The following RYR2 variants were observed in gnomAD, a reference collection of about 807,000 sequenced individuals.
RYR2 encodes the protein cardiac muscle ryanodine receptor-calcium release channel.
Under a neutral mutation model 601.1 loss-of-function variants are expected in RYR2, and 227 were observed. The observed-to-expected ratio is 0.38, with a 90% CI of 0.34 to 0.42. The LOEUF is 0.42. RYR2 is among the 10% of genes least tolerant of loss of function. RYR2 has a pLI of 1.00. For synonymous variants in RYR2, 2,223 were observed against 2,175.1 expected, an observed-to-expected ratio of 1.02 and a Z score of -0.61; for missense variants, 4,646 against 6,156.5, an observed-to-expected ratio of 0.75 and a Z score of 8.21.
chr1:237,271,611 G>GT (rs1251582434), intron 2 of RYR2, among the ~76,000 whole-genome samples: 1 of 152,106 alleles, frequency 6.6e-6, no homozygotes, highest in African/African-American at 2.4e-5. Context: ...AAAAGGCATA[G>GT]TTTTTCATCT....
chr1:237,664,431 A>G (rs1198522185), intron 56 of RYR2, among the ~76,000 whole-genome samples: 4 of 152,358 alleles, frequency 2.6e-5, no homozygotes, highest in African/African-American at 9.6e-5. Context: ...CAAAAGAAAG[A>G]GGTTCAATGG....
In RYR2 at chr1:237,711,817, A is replaced by T; in HGVS notation, c.10303A>T (p.Thr3435Ser). The T allele has an allele frequency of 6.7e-7, 1 of 1,491,140 alleles. No individual in the cohort carries two copies. The allele number at this position is 1,491,140 out of a possible 1,614,324, so 92.4% of individuals were successfully genotyped here. A position where few individuals can be genotyped will look rare whatever the true frequency, so the allele number is the denominator to read the frequency against. The change falls in exon 71 of 105, where the codon ACC becomes TCC. Residue 3435 changes from threonine to serine, a missense_variant. Transcript: ENST00000366574. ...INNMSFLITD[T>S]KSKMSKAAVS... ...CAATATGTCTTTCCTTATTACTGAT[A>T]CCAAGTCAAAGATGTCAAAGGTATT...
chr1:237,308,216 A>G (rs1694090735), intron 2 of RYR2, among the ~76,000 whole-genome samples: 1 of 152,184 alleles, frequency 6.6e-6, no homozygotes, highest in South Asian at 2.1e-4. Flanking sequence ...AGATAATAAT[A>G]TCGATTCTTG....
chr1:237,545,769 T>A (rs201450203), intron 25 of RYR2, among the ~76,000 whole-genome samples: 11 of 146,116 alleles, frequency 7.5e-5, no homozygotes, highest in African/African-American at 1.5e-4. Flanking sequence ...AAAAAAAAAA[T>A]ACTTTCCAGG....
chr1:237,300,991 C>T (rs562313546), intron 2 of RYR2, among the ~76,000 whole-genome samples: 5 of 151,900 alleles, frequency 3.3e-5, no homozygotes, highest in Admixed American at 3.3e-4. Context: ...TTTGTGAAAT[C>T]GAATTGATAA....
chr1:237,484,283 A>G (rs547348667), intron 17 of RYR2, among the ~76,000 whole-genome samples: 30 of 152,306 alleles, frequency 2.0e-4, no homozygotes, highest in African/African-American at 7.2e-4. Flanking sequence ...CTAAATCCAC[A>G]TACATCTTGG....
chr1:237,361,377 C>A (rs139344984), intron 4 of RYR2, among the ~76,000 whole-genome samples: 1 of 151,902 alleles, frequency 6.6e-6, no homozygotes, highest in Non-Finnish European at 1.5e-5. Context: ...GAGAGGTTAC[C>A]GGTTGGAGAC....
At position 237,716,485 on chromosome 1, in the gene RYR2, A is replaced by G. The variant is rs558961077; in HGVS notation, c.10324-713A>G. Reference sequence around the variant, plus strand: ...ACATTAGAACATGCCATCTTGATAGAATACTCATTACCCAGTGAAAATTAG... The same window carrying G: ...ACATTAGAACATGCCATCTTGATAGGATACTCATTACCCAGTGAAAATTAG... On this transcript the variant is annotated intron_variant, in intron 71 of 104. Transcript: ENST00000366574. 2.0e-5 allele frequency among the ~76,000 whole-genome samples: 3 copies of G among 152,300 alleles called. No homozygotes were observed. The South Asian group carries it at 6.2e-4, about 32-fold the overall frequency.
Position 237,593,468 on chromosome 1 carries a change from C to T in RYR2, c.4276-8C>T. The T allele has an allele frequency of 5.7e-6, 9 of 1,590,670 alleles. No homozygotes were observed. Among genetic ancestry groups the T allele is most frequent in the Non-Finnish European group, 7.7e-6 (9 of 1,169,036 alleles). ...CTTTGCCAATATTTGGTTCTGCTAT[C>T]TTCACAGTACTATTACTCAGTGAGA... On this transcript the variant is annotated splice_region_variant and splice_polypyrimidine_tract_variant and intron_variant, in intron 32 of 104. Transcript: ENST00000366574.
At chr1:237,714,991 C>CAAAAA (rs5781983) in intron 71 of RYR2, among the ~76,000 whole-genome samples, 5 of 44,448 alleles carry the variant, frequency 1.1e-4, no homozygotes, top group African/African-American at 3.0e-4. Context: ...GACTCCATCT[C>CAAAAA]AAAAAAAAAA....
At chr1:237,253,080 G>A (rs989221741) in intron 1 of RYR2, among the ~76,000 whole-genome samples, 3 of 150,420 alleles carry the variant, frequency 2.0e-5, no homozygotes, top group African/African-American at 7.3e-5. Context: ...CAGCAGAATC[G>A]CTTGTACCCG....
intron 94 of RYR2, 44 bp downstream of exon 94, chr1:237,792,367 G>GTGTGTGTGCGCGCC: frequency 1.1e-6 from 1 of 879,040 alleles, no homozygotes; most frequent in East Asian, 2.8e-5. Flanking sequence ...GTGTGTGTGT[G>GTGTGTGTGCGCGCC]TGTGTGTGTG....
At chr1:237,556,205 A>G (rs538653722) in intron 27 of RYR2, among the ~76,000 whole-genome samples, 152 of 151,928 alleles carry the variant, frequency 1.0e-3, no homozygotes, top group Non-Finnish European at 1.8e-3. Flanking sequence ...AAAGAAAAGG[A>G]GCTTATATTT....
chr1:237,343,050 T>TA lies in RYR2; in HGVS notation c.273+12076dup, dbSNP rs199523202. Among the ~76,000 whole-genome samples, 1,405 of 151,646 alleles carry TA rather than the reference T, an allele frequency of 9.3e-3. 29 individuals are homozygous for TA. The highest frequency in any genetic ancestry group is 0.032 in the African/African-American group (1,337 of 41,364). The stretch of plus-strand genomic sequence containing the variant: ...GTGGTGACACTGTCTCTACAAAAGA[T>TA]AAAAAAAATTAGCTGGACATGGTGG... On this transcript the variant is annotated intron_variant, in intron 3 of 104. Coordinates refer to ENST00000366574, the MANE Select transcript of RYR2 (RefSeq NM_001035.3).
intron 1 of RYR2, among the ~76,000 whole-genome samples, chr1:237,081,207 C>A: frequency 7.8e-6 from 1 of 128,236 alleles, no homozygotes; most frequent in East Asian, 2.3e-4. Flanking sequence ...GTGCAGCGCA[C>A]CAGCATGGCA....
chr1:237,210,261 AG>A (rs1682426475), intron 1 of RYR2, among the ~76,000 whole-genome samples: 1 of 152,224 alleles, frequency 6.6e-6, no homozygotes, highest in Non-Finnish European at 1.5e-5. Context: ...ATTCAGTTAT[AG>A]TACATTTCTC....
intron 2 of RYR2, among the ~76,000 whole-genome samples, chr1:237,324,044 C>G (rs1695907483): frequency 6.6e-6 from 1 of 152,100 alleles, no homozygotes; most frequent in African/African-American, 2.4e-5. Flanking sequence ...AGGTGTGAAG[C>G]TCTGGAAATA....
At chr1:237,645,930 G>A (rs1250883334) in intron 48 of RYR2, among the ~76,000 whole-genome samples, 1 of 147,856 alleles carries the variant, frequency 6.8e-6, no homozygotes, top group African/African-American at 2.5e-5. Flanking sequence ...AGGCTGGAAT[G>A]CAGTGGCGCA....
intron 10 of RYR2, among the ~76,000 whole-genome samples, chr1:237,394,915 C>T (rs914219054): frequency 5.3e-5 from 8 of 152,034 alleles, no homozygotes; most frequent in South Asian, 2.1e-4. Flanking sequence ...TGGCAGAAGG[C>T]GAATGGGAAG....
Sources: gnomAD v4.1 joint callset for allele counts (sites outside exome capture counted in the v4.1 genomes callset) on GRCh38, gnomAD v4.1.1 for gene constraint, MANE v1.5 for transcripts, NCBI Gene and HGNC (gene_info 2026-07-23, HGNC 2026-07-21) for gene names.